Variants in AKAP13 observed in about 807,000 individuals in gnomAD.
The protein encoded by AKAP13 is A-kinase anchor protein 13.
Under a neutral mutation model 264.5 loss-of-function variants are expected in AKAP13, and 80 were observed. That is an observed-to-expected ratio of 0.30 (90% CI 0.25 to 0.36). The LOEUF is 0.36. AKAP13 is among the 10% of genes least tolerant of loss of function. The pLI, the probability that AKAP13 is intolerant of heterozygous loss-of-function variation, is 1.00. For missense variants in AKAP13, 3,712 were observed against 3,435.2 expected, an observed-to-expected ratio of 1.08 and a Z score of -2.01; for synonymous variants, 1,380 against 1,250.2, an observed-to-expected ratio of 1.10 and a Z score of -2.19.
At chr15:85,430,318 A>G (rs1453235130) in intron 1 of AKAP13, among the ~76,000 whole-genome samples, 1 of 152,216 alleles carries the variant, frequency 6.6e-6, no homozygotes, top group Non-Finnish European at 1.5e-5. Flanking sequence ...CCTACTTTCA[A>G]GTTATTTTCT....
In AKAP13 at chr15:85,744,626, A is replaced by C; in HGVS notation, c.8393-2A>C. On this transcript the variant is annotated splice_acceptor_variant, in intron 36 of 36. Coordinates refer to ENST00000394518, the MANE Select transcript of AKAP13 (RefSeq NM_007200.5). LOFTEE classifies it high-confidence loss of function. ...TTTCATTCTTGGTTTTCACATTTCCAGATGGTCCCGCGTCAGAAGTATCAG... is the reference window on the plus strand; with the variant it reads ...TTTCATTCTTGGTTTTCACATTTCCCGATGGTCCCGCGTCAGAAGTATCAG... The C allele has an allele frequency of 6.2e-7, 1 of 1,613,996 alleles. No individual in the cohort carries two copies. The highest frequency in any genetic ancestry group is 8.5e-7 in the Non-Finnish European group (1 of 1,179,994).
intron 2 of AKAP13, among the ~76,000 whole-genome samples, chr15:85,497,923 G>A (rs762345503): frequency 7.9e-5 from 12 of 152,104 alleles, no homozygotes; most frequent in South Asian, 4.2e-4. Context: ...CTGTCAAGTA[G>A]GTAGGCCTAT....
At position 85,579,535 on chromosome 15, in the gene AKAP13, A is replaced by C; in HGVS notation, c.1467A>C (p.Pro489=). The part of the protein sequence containing the change: ...AGEMEHGLMN[P]DATVWKNVLQ... Reference sequence around the variant, plus strand: ...AAATGGAACATGGGCTCATGAACCCAGATGCCACTGTTTGGAAGAATGTGC... The same window carrying C: ...AAATGGAACATGGGCTCATGAACCCCGATGCCACTGTTTGGAAGAATGTGC... Residue 489 remains proline, a synonymous_variant, in exon 7 of 37, where the codon CCA becomes CCC. Transcript: ENST00000394518. The C allele has an allele frequency of 6.2e-7, 1 of 1,614,238 alleles. No homozygotes were observed. Among genetic ancestry groups the C allele is most frequent in the Non-Finnish European group, 8.5e-7 (1 of 1,180,044 alleles).
intron 4 of AKAP13, among the ~76,000 whole-genome samples, chr15:85,538,773 G>A (rs972318671): frequency 6.7e-6 from 1 of 148,264 alleles, no homozygotes; most frequent in Non-Finnish European, 1.5e-5. Flanking sequence ...ACAGGCTTGA[G>A]CCACCGCGCC....
intron 8 of AKAP13, among the ~76,000 whole-genome samples, chr15:85,633,525 CT>C (rs1169985569): frequency 7.4e-5 from 9 of 122,234 alleles, no homozygotes; most frequent in Non-Finnish European, 1.0e-4. Flanking sequence ...CTCTGAATGA[CT>C]TTTTTTTTCT....
chr15:85,582,619 A>G (rs942796407), intron 7 of AKAP13, among the ~76,000 whole-genome samples: 1 of 151,490 alleles, frequency 6.6e-6, no homozygotes, highest in Non-Finnish European at 1.5e-5. Context: ...TGACTTCCCA[A>G]CATCCAAAAT....
At chr15:85,729,781 A>G (rs1567218193) in intron 29 of AKAP13, among the ~76,000 whole-genome samples, 1 of 152,062 alleles carries the variant, frequency 6.6e-6, no homozygotes, top group African/African-American at 2.4e-5. Context: ...TACTAAAAAT[A>G]CAAAATTAGC....
At chr15:85,645,727 G>C (rs2082527648) in intron 9 of AKAP13, 91 bp from the exon 10 acceptor site, 1 of 1,335,036 alleles carries the variant, frequency 7.5e-7, no homozygotes, top group Admixed American at 2.5e-5. Flanking sequence ...TAAAAGACTG[G>C]TTGCTGGGGT....
At chr15:85,396,555 AAT>A (rs1341746953) in intron 1 of AKAP13, among the ~76,000 whole-genome samples, 4 of 152,094 alleles carry the variant, frequency 2.6e-5, no homozygotes, top group African/African-American at 9.7e-5. Flanking sequence ...GCTTTACTAT[AAT>A]ATGTTTGTCC....
At chr15:85,447,054 G>A (rs2073924167) in intron 1 of AKAP13, among the ~76,000 whole-genome samples, 1 of 152,090 alleles carries the variant, frequency 6.6e-6, no homozygotes, top group African/African-American at 2.4e-5. Flanking sequence ...AGATCACAAG[G>A]TCAAGAGATT....
chr15:85,718,229 T>G lies in AKAP13; in HGVS notation c.6001+70T>G. On this transcript the variant is annotated intron_variant, in intron 22 of 36. Coordinates refer to ENST00000394518, the MANE Select transcript of AKAP13 (RefSeq NM_007200.5). This position sits in a 1 kb window ranked among gnomAD's most constrained non-coding sequence, Gnocchi z 4.9. Reference sequence around the variant, plus strand: ...CCAGCATTTTTAAGCAGTAATTTGTTGGACTATGAAAAATCAGTTTTTTAG... The same window carrying G: ...CCAGCATTTTTAAGCAGTAATTTGTGGGACTATGAAAAATCAGTTTTTTAG... 1 of 1,568,248 alleles carries G rather than the reference T, an allele frequency of 6.4e-7. No homozygotes were observed. Among genetic ancestry groups the G allele is most frequent in the East Asian group, 2.3e-5 (1 of 44,348 alleles).
intron 2 of AKAP13, among the ~76,000 whole-genome samples, chr15:85,512,402 ACC>A (rs952002250): frequency 1.1e-4 from 17 of 151,782 alleles, no homozygotes; most frequent in Admixed American, 6.6e-5. Context: ...TGTTCTTAGC[ACC>A]CTCTTTCTCC....
chr15:85,525,659 C>T lies in AKAP13; in HGVS notation c.181+4084C>T, dbSNP rs1407177232. ...GAAAGTAAAATATTCCATTATTGTC[C>T]CTTCATAGAAAACAAATACAACCCT... On this transcript the variant is annotated intron_variant, in intron 3 of 36. Transcript: ENST00000394518. Among the ~76,000 whole-genome samples, 9 of 151,986 alleles carry T rather than the reference C, an allele frequency of 5.9e-5. No individual in the cohort carries two copies. The East Asian group carries it at 1.7e-3, about 29-fold the overall frequency.
At chr15:85,664,884 G>A in intron 13 of AKAP13, 129 bp downstream of exon 13, 1 of 861,706 alleles carries the variant, frequency 1.2e-6, no homozygotes. Flanking sequence ...ACTTAATCTA[G>A]CACTAAACCA....
rs1269267585 is a variant in AKAP13 at position 85,723,089 on chromosome 15, G to A, written c.6514G>A (p.Glu2172Lys). Reference sequence around the variant, plus strand: ...CTTCCAAGACAATGAAGTGGAGCAGGAAGATCTAGCACAGTCCTTGAGCCT... The same window carrying A: ...CTTCCAAGACAATGAAGTGGAGCAGAAAGATCTAGCACAGTCCTTGAGCCT... Reference protein sequence around the residue: ...QCTKDNEVEQEDLAQSLSLVK... With the variant: ...QCTKDNEVEQKDLAQSLSLVK... The change falls in exon 26 of 37, where the codon GAA becomes AAA. Residue 2172 changes from glutamate to lysine, a missense_variant. Glu to Lys is a moderately conservative substitution (Grantham distance 56). Coordinates refer to ENST00000394518, the MANE Select transcript of AKAP13 (RefSeq NM_007200.5). 5 of 1,613,414 alleles carry A rather than the reference G, an allele frequency of 3.1e-6. No homozygotes were observed. The highest frequency in any genetic ancestry group is 4.2e-6 in the Non-Finnish European group (5 of 1,179,516).
At chr15:85,710,781 T>C (rs2151697726) in intron 19 of AKAP13, 136 bp downstream of exon 19, 2 of 943,078 alleles carry the variant, frequency 2.1e-6, no homozygotes, top group South Asian at 3.4e-5. Flanking sequence ...AGAAGGCTGC[T>C]GTTTTATCCT....
intron 1 of AKAP13, among the ~76,000 whole-genome samples, chr15:85,469,159 C>T (rs1374562391): frequency 1.4e-5 from 2 of 144,924 alleles, no homozygotes; most frequent in Non-Finnish European, 3.0e-5. Context: ...AGGTGATCCA[C>T]CCGCCTTGGC....
At chr15:85,500,238 T>TA (rs1185568191) in intron 2 of AKAP13, among the ~76,000 whole-genome samples, 2 of 152,186 alleles carry the variant, frequency 1.3e-5, no homozygotes, top group Non-Finnish European at 2.9e-5. Flanking sequence ...CTGGAACTGA[T>TA]ACTAGGTGAA....
chr15:85,583,228 C>T (rs1413859138), intron 7 of AKAP13: 1 of 937,670 alleles, frequency 1.1e-6, no homozygotes, highest in Non-Finnish European at 1.3e-6. Context: ...TTTTGAAAAT[C>T]CCTTTACACA....
Sources: allele counts gnomAD v4.1 joint callset (sites outside exome capture counted in the v4.1 genomes callset), GRCh38; gene constraint gnomAD v4.1.1; non-coding constraint Gnocchi (gnomAD v3.1); transcripts MANE v1.5; gene names NCBI Gene and HGNC (gene_info 2026-07-23, HGNC 2026-07-21).